RALGAPA2: variants seen among roughly 807,000 people sequenced by gnomAD.
RALGAPA2 encodes the protein Ral GTPase activating protein catalytic subunit alpha 2.
RALGAPA2 carries 139 observed loss-of-function variants against 230.4 expected under a neutral mutation model. The ratio of observed to expected loss-of-function variants is 0.60; its 90% confidence interval spans 0.53 to 0.69. The LOEUF (loss-of-function observed/expected upper bound fraction) is 0.69, where lower values mean the gene tolerates loss of function less well. Ranked by LOEUF, RALGAPA2 falls within the 30% of genes least tolerant of loss-of-function variation. The pLI is 0.00. For synonymous variants in RALGAPA2, 847 were observed against 837.8 expected (o/e 1.01, Z -0.19); for missense variants, 2,163 against 2,276.0 (o/e 0.95, Z 1.01).
chr20:20,430,374 C>T (rs1473760717), intron 37 of RALGAPA2, among the ~76,000 whole-genome samples: 1 of 152,226 alleles, frequency 6.6e-6, no homozygotes, highest in Admixed American at 6.5e-5. Context: ...CTGTGGAGGC[C>T]TAGGGCAGCA....
At chr20:20,512,194 C>CA (rs948884002) in intron 32 of RALGAPA2, among the ~76,000 whole-genome samples, 17 of 149,200 alleles carry the variant, frequency 1.1e-4, no homozygotes, top group African/African-American at 4.0e-4. Flanking sequence ...TCTCAAAAAA[C>CA]AAAAAACAAA....
At chr20:20,639,926 C>T in intron 6 of RALGAPA2, 26 bp from the exon 7 acceptor site, 13 of 1,508,656 alleles carry the variant, frequency 8.6e-6, no homozygotes, top group Non-Finnish European at 1.0e-5. Flanking sequence ...ATGATGACAG[C>T]TCATTCACCA....
At chr20:20,655,811 T>C (rs2067571221) in intron 3 of RALGAPA2, among the ~76,000 whole-genome samples, 1 of 152,126 alleles carries the variant, frequency 6.6e-6, no homozygotes, top group Non-Finnish European at 1.5e-5. Flanking sequence ...ATAATAGTGA[T>C]ATGCAGGAGA....
At chr20:20,548,723 C>T (rs182568095) in intron 23 of RALGAPA2, among the ~76,000 whole-genome samples, 1 of 152,160 alleles carries the variant, frequency 6.6e-6, no homozygotes, top group Admixed American at 6.6e-5. Context: ...GTGGTAAACT[C>T]AGGATCCAAG....
chr20:20,527,817 A>G (rs568506398), intron 27 of RALGAPA2, among the ~76,000 whole-genome samples: 2 of 152,290 alleles, frequency 1.3e-5, no homozygotes, highest in South Asian at 4.1e-4. Context: ...TGAAACTCTG[A>G]GAGAGTGGGA....
chr20:20,439,008 T>C (rs1422996638), intron 37 of RALGAPA2, among the ~76,000 whole-genome samples: 1 of 152,222 alleles, frequency 6.6e-6, no homozygotes, highest in Non-Finnish European at 1.5e-5. Context: ...ATTAGGCCAC[T>C]GTCTCTAGCA....
In RALGAPA2 at chr20:20,635,585, T is replaced by C; in HGVS notation, c.838A>G (p.Ile280Val). The change falls in exon 9 of 40, where the codon ATT (isoleucine) becomes GTT (valine). Residue 280 changes from isoleucine to valine, a missense_variant. Transcript: ENST00000202677. ...IPHLRPKPVYITTTRDNENIY... is the reference protein window; with the variant it reads ...IPHLRPKPVYVTTTRDNENIY... The stretch of plus-strand genomic sequence containing the variant: ...TTCTCATTGTCTCGAGTGGTAGTAA[T>C]GTACACAGGCTTTGGTCTCAAATGG... 1.3e-6 allele frequency: 2 copies of C among 1,576,294 alleles called. No individual in the cohort carries two copies. Among genetic ancestry groups the C allele is most frequent in the East Asian group, 2.3e-5 (1 of 43,450 alleles).
In RALGAPA2 at chr20:20,526,368, A is replaced by C. The variant is rs1248502490; in HGVS notation, c.3583-6T>G. On this transcript the variant is annotated splice_region_variant and splice_polypyrimidine_tract_variant and intron_variant, in intron 27 of 39. Transcript: ENST00000202677. ...GCCACGATTTTGTTGGGAAACTATAAAAGGAAACCGAATCCCAAAGCAGAC... is the reference window on the plus strand; with the variant it reads ...GCCACGATTTTGTTGGGAAACTATACAAGGAAACCGAATCCCAAAGCAGAC... 1.3e-5 allele frequency: 21 copies of C among 1,558,112 alleles called. No individual in the cohort carries two copies. Among genetic ancestry groups the C allele is most frequent in the African/African-American group, 4.1e-5 (3 of 72,362 alleles).
intron 1 of RALGAPA2, among the ~76,000 whole-genome samples, chr20:20,705,524 A>T (rs2069562685): frequency 6.6e-6 from 1 of 152,166 alleles, no homozygotes. Context: ...TAATTCAAGT[A>T]CAAGAATAGT....
intron 38 of RALGAPA2, among the ~76,000 whole-genome samples, chr20:20,397,686 C>T (rs188393574): frequency 1.5e-3 from 225 of 152,378 alleles, no homozygotes; most frequent in Non-Finnish European, 3.0e-3. Context: ...AAGGTTGGCA[C>T]AGTGACAGGG....
chr20:20,584,221 T>G (rs750870343), intron 19 of RALGAPA2, among the ~76,000 whole-genome samples: 3 of 152,170 alleles, frequency 2.0e-5, no homozygotes, highest in Non-Finnish European at 4.4e-5. Flanking sequence ...AGGATTCCAA[T>G]CTCATTCCAT....
chr20:20,636,466 T>C (rs1390845784), intron 8 of RALGAPA2, among the ~76,000 whole-genome samples: 1 of 152,088 alleles, frequency 6.6e-6, no homozygotes, highest in East Asian at 1.9e-4. Flanking sequence ...GCTAAAGAAA[T>C]ACATGTCCCA....
intron 37 of RALGAPA2, among the ~76,000 whole-genome samples, chr20:20,469,235 A>G (rs1439350116): frequency 6.6e-6 from 1 of 152,196 alleles, no homozygotes; most frequent in Non-Finnish European, 1.5e-5. Flanking sequence ...TCTGAAATGT[A>G]TGGAGATGAA....
intron 32 of RALGAPA2, among the ~76,000 whole-genome samples, 184 bp from the exon 33 acceptor site, chr20:20,511,509 C>A (rs1474798849): frequency 6.6e-6 from 1 of 152,186 alleles, no homozygotes; most frequent in East Asian, 1.9e-4. Context: ...TATAAAAATT[C>A]CATCAGCATC....
rs373744315 is a variant in RALGAPA2, at chr20:20,637,467, T to C, written c.701A>G (p.Gln234Arg). 6.4e-7 allele frequency: 1 copy of C among 1,570,710 alleles called. No individual in the cohort carries two copies. The highest frequency in any genetic ancestry group is 8.7e-7 in the Non-Finnish European group (1 of 1,155,900). The change falls in exon 8 of 40, where the codon CAA (glutamine) becomes CGA (arginine). Residue 234 changes from glutamine to arginine, a missense_variant. Physicochemically the swap from Gln to Arg is conservative, Grantham distance 43. Coordinates refer to ENST00000202677, the MANE Select transcript of RALGAPA2 (RefSeq NM_020343.4). ...AAAAAGAAATTTAAAACCAGTATCT[T>C]GATTCTCCTTATTCTTCCACTCCAA... The part of the protein sequence containing the change: ...ASLEWKNKEN[Q>R]DTGFKFLFTL...
intron 34 of RALGAPA2, chr20:20,505,073 A>C: frequency 3.0e-6 from 3 of 985,370 alleles, no homozygotes; most frequent in Non-Finnish European, 3.6e-6. Context: ...CTTCTTCTTC[A>C]ATCTCCATAC....
chr20:20,436,837 A>G (rs939177822), intron 37 of RALGAPA2, among the ~76,000 whole-genome samples: 15 of 152,250 alleles, frequency 9.9e-5, no homozygotes, highest in African/African-American at 2.9e-4. Context: ...ACTGCCCACT[A>G]CGTCCTGCCA....
chr20:20,633,126 T>C (rs1421196121), intron 9 of RALGAPA2, among the ~76,000 whole-genome samples: 2 of 151,410 alleles, frequency 1.3e-5, no homozygotes, highest in African/African-American at 4.9e-5. Flanking sequence ...TCTCTCTTTC[T>C]TTTCTTTCTT....
intron 1 of RALGAPA2, among the ~76,000 whole-genome samples, chr20:20,708,287 AGAACTAGTCT>A (rs779077999): frequency 2.6e-5 from 4 of 152,238 alleles, no homozygotes; most frequent in Non-Finnish European, 4.4e-5. Context: ...TCTATTGGAC[AGAACTAGTCT>A]AACCATTCTT....
Sources: allele counts gnomAD v4.1 joint callset (sites outside exome capture counted in the v4.1 genomes callset), GRCh38; gene constraint gnomAD v4.1.1; transcripts MANE v1.5; gene names NCBI Gene and HGNC (gene_info 2026-07-23, HGNC 2026-07-21).